Variants in TMEM132C observed in about 807,000 individuals in gnomAD.
TMEM132C encodes the protein protein phosphatase 1, regulatory subunit 152.
In TMEM132C, 29 loss-of-function variants were observed where a neutral mutation model predicts 61.4. That is an observed-to-expected ratio of 0.47 (90% confidence interval 0.35 to 0.64). TMEM132C has a LOEUF of 0.64. Among genes scored for constraint, TMEM132C ranks in the 30% least tolerant of loss-of-function variants. The probability of loss-of-function intolerance (pLI) is 0.00; values close to 1 mark genes in which losing one functional copy is unlikely to be tolerated. For synonymous variants in TMEM132C, 656 were observed against 633.1 expected, an observed-to-expected ratio of 1.04 and a Z score of -0.54; for missense variants, 1,408 against 1,476.9, an observed-to-expected ratio of 0.95 and a Z score of 0.76.
At chr12:128,633,092 C>T (rs997434722) in intron 4 of TMEM132C, among the ~76,000 whole-genome samples, 10 of 152,170 alleles carry the variant, frequency 6.6e-5, no homozygotes, top group African/African-American at 2.4e-4. Flanking sequence ...GCAGTCTCAT[C>T]TGAAGGCTTG....
chr12:128,304,148 T>C (rs1035857454), intron 1 of TMEM132C, among the ~76,000 whole-genome samples: 9 of 152,226 alleles, frequency 5.9e-5, no homozygotes, highest in Non-Finnish European at 1.2e-4. Context: ...AAAAGTAGAT[T>C]GTCACTAAGT....
intron 1 of TMEM132C, among the ~76,000 whole-genome samples, chr12:128,381,321 G>A (rs1293901389): frequency 1.3e-5 from 2 of 152,162 alleles, no homozygotes; most frequent in African/African-American, 4.8e-5. Context: ...GGGCTTGACT[G>A]TGAATCCATC....
intron 2 of TMEM132C, among the ~76,000 whole-genome samples, chr12:128,521,313 A>ATG: frequency 1.5e-5 from 1 of 68,652 alleles, no homozygotes; most frequent in South Asian, 5.9e-4. Context: ...ATGTGTATAT[A>ATG]TATATATGTG....
intron 5 of TMEM132C, among the ~76,000 whole-genome samples, chr12:128,678,567 G>T (rs539083506): frequency 6.6e-6 from 1 of 152,330 alleles, no homozygotes; most frequent in Non-Finnish European, 1.5e-5. Context: ...TCCATCTCAA[G>T]CATGCAGGAC....
In TMEM132C at chr12:128,706,445, C is replaced by A; in HGVS notation, c.*150C>A. ...GGAAAGTTTTGAAGTCAGGAAAAGA[C>A]GTTTTTGTATCAAGGGATTTTTAGC... On this transcript the variant is annotated 3_prime_UTR_variant, in exon 9 of 9. Transcript: ENST00000435159. The A allele has an allele frequency of 9.5e-7, 1 of 1,048,136 alleles. No individual in the cohort carries two copies. The highest frequency in any genetic ancestry group is 2.5e-5 in the South Asian group (1 of 39,454). 64.9% of individuals were successfully genotyped at this position (1,048,136 alleles called of 1,614,324 possible).
At chr12:128,671,188 T>C (rs1218134840) in intron 5 of TMEM132C, among the ~76,000 whole-genome samples, 1 of 152,158 alleles carries the variant, frequency 6.6e-6, no homozygotes, top group Non-Finnish European at 1.5e-5. Flanking sequence ...ACAGGAGAAT[T>C]GAGTAGTTGA....
intron 3 of TMEM132C, among the ~76,000 whole-genome samples, chr12:128,592,822 CA>C (rs1274659180): frequency 2.0e-5 from 3 of 152,200 alleles, no homozygotes; most frequent in Non-Finnish European, 4.4e-5. Context: ...TCATTGTCTC[CA>C]TTCTTTGAGA....
chr12:128,287,140 G>A (rs895253738), intron 1 of TMEM132C, among the ~76,000 whole-genome samples: 12 of 152,098 alleles, frequency 7.9e-5, no homozygotes, highest in African/African-American at 2.9e-4. Context: ...CTGGGGTGGG[G>A]GAGTGTCCTG....
At chr12:128,515,998 G>A (rs778791401) in intron 2 of TMEM132C, among the ~76,000 whole-genome samples, 4 of 152,102 alleles carry the variant, frequency 2.6e-5, no homozygotes, top group South Asian at 2.1e-4. Flanking sequence ...AGCATCACCC[G>A]CCCTGTGGTT....
At chr12:128,527,914 T>G (rs1469948821) in intron 2 of TMEM132C, among the ~76,000 whole-genome samples, 2 of 152,192 alleles carry the variant, frequency 1.3e-5, no homozygotes, top group Non-Finnish European at 2.9e-5. Context: ...AACCATTCTG[T>G]GCTTGTGGTT....
intron 1 of TMEM132C, among the ~76,000 whole-genome samples, chr12:128,357,165 C>T (rs535128918): frequency 1.1e-4 from 16 of 152,236 alleles, no homozygotes; most frequent in African/African-American, 2.6e-4. Flanking sequence ...GAAGAAGTAT[C>T]GGGTTACTTT....
chr12:128,693,701 A>G, intron 5 of TMEM132C, 128 bp from the exon 6 acceptor site: 1 of 1,072,168 alleles, frequency 9.3e-7, no homozygotes, highest in Non-Finnish European at 1.3e-6. Context: ...TCCTTGTCTC[A>G]GGCTCTGCTT....
chr12:128,373,289 T>C (rs1203708488), intron 1 of TMEM132C, among the ~76,000 whole-genome samples: 1 of 152,140 alleles, frequency 6.6e-6, no homozygotes, highest in African/African-American at 2.4e-5. Flanking sequence ...CTCTGTCCTT[T>C]CTTGTCAAGG....
intron 2 of TMEM132C, among the ~76,000 whole-genome samples, chr12:128,430,352 G>T (rs905143986): frequency 6.6e-6 from 1 of 152,148 alleles, no homozygotes; most frequent in Non-Finnish European, 1.5e-5. Context: ...TGCAGACCAG[G>T]CCTGAATAAT....
chr12:128,624,405 G>C (rs183708514), intron 4 of TMEM132C, among the ~76,000 whole-genome samples: 416 of 152,126 alleles, frequency 2.7e-3, no homozygotes, highest in Middle Eastern at 6.8e-3. Flanking sequence ...TTAGCTGGAC[G>C]TGGTGGCGGG....
chr12:128,414,410 T>C (rs1257934364), intron 1 of TMEM132C, among the ~76,000 whole-genome samples: 1 of 152,214 alleles, frequency 6.6e-6, no homozygotes, highest in Non-Finnish European at 1.5e-5. Flanking sequence ...AAATTATTAA[T>C]AAAATACCCA....
intron 3 of TMEM132C, among the ~76,000 whole-genome samples, chr12:128,581,874 T>C (rs1875348843): frequency 6.6e-6 from 1 of 152,178 alleles, no homozygotes; most frequent in South Asian, 2.1e-4. Flanking sequence ...TTGAGAAAAA[T>C]TGAGTTGTGT....
At chr12:128,650,059 A>G (rs1056540496) in intron 4 of TMEM132C, among the ~76,000 whole-genome samples, 2 of 152,226 alleles carry the variant, frequency 1.3e-5, no homozygotes. Context: ...AAATTTGCTC[A>G]GCTACCATTT....
At chr12:128,309,764 G>A (rs544407368) in intron 1 of TMEM132C, among the ~76,000 whole-genome samples, 172 of 145,758 alleles carry the variant, frequency 1.2e-3, no homozygotes, top group African/African-American at 3.7e-3. Flanking sequence ...ATGGAGTCTC[G>A]CTGCGTCACC....
Sources: gnomAD v4.1 joint callset for allele counts (sites outside exome capture counted in the v4.1 genomes callset) on GRCh38, gnomAD v4.1.1 for gene constraint, MANE v1.5 for transcripts, NCBI Gene and HGNC (gene_info 2026-07-23, HGNC 2026-07-21) for gene names.